Variants in LDB2 observed in about 807,000 individuals in gnomAD.
The protein encoded by LDB2 is LIM domain binding 2.
Under a neutral mutation model 44.3 loss-of-function variants are expected in LDB2, and 12 were observed. That is an observed-to-expected ratio of 0.27 (90% confidence interval 0.17 to 0.44). The LOEUF (loss-of-function observed/expected upper bound fraction) is 0.44. LDB2 is among the 20% of genes least tolerant of loss of function. The pLI is 1.00. For synonymous variants in LDB2, 164 were observed against 174.8 expected, an observed-to-expected ratio of 0.94 and a Z score of 0.49; for missense variants, 344 against 473.5, an observed-to-expected ratio of 0.73 and a Z score of 2.54.
chr4:16,534,327 G>T (rs919655617), intron 5 of LDB2, among the ~76,000 whole-genome samples: 3 of 152,104 alleles, frequency 2.0e-5, no homozygotes, highest in African/African-American at 7.2e-5. Flanking sequence ...CTTTTATGTT[G>T]ATGAACAAGA....
chr4:16,545,453 C>A (rs977767157), intron 5 of LDB2, among the ~76,000 whole-genome samples: 1 of 152,112 alleles, frequency 6.6e-6, no homozygotes, highest in African/African-American at 2.4e-5. Context: ...AACTTTTACC[C>A]GTGGAGAATT....
chr4:16,844,310 T>G (rs897908802), intron 1 of LDB2, among the ~76,000 whole-genome samples: 1 of 147,770 alleles, frequency 6.8e-6, no homozygotes, highest in Non-Finnish European at 1.5e-5. Flanking sequence ...GCAACAGCTG[T>G]AGAAGTAAAA....
intron 5 of LDB2, among the ~76,000 whole-genome samples, chr4:16,565,234 G>T (rs761183930): frequency 3.9e-5 from 6 of 152,102 alleles, no homozygotes; most frequent in South Asian, 2.1e-4. Context: ...TTTGGAGTGA[G>T]AACAGTAATG....
At chr4:16,527,833 G>C (rs1577393634) in intron 5 of LDB2, among the ~76,000 whole-genome samples, 1 of 152,076 alleles carries the variant, frequency 6.6e-6, no homozygotes, top group Non-Finnish European at 1.5e-5. Context: ...TTAACTATGT[G>C]AGGTAATGAA....
chr4:16,760,550 T>A (rs1396842167), intron 1 of LDB2, among the ~76,000 whole-genome samples: 1 of 151,924 alleles, frequency 6.6e-6, no homozygotes, highest in African/African-American at 2.4e-5. Flanking sequence ...AATGCATGGA[T>A]CCACGTACAA....
intron 2 of LDB2, among the ~76,000 whole-genome samples, chr4:16,689,485 T>C (rs945063551): frequency 6.6e-6 from 1 of 152,228 alleles, no homozygotes; most frequent in Non-Finnish European, 1.5e-5. Context: ...GCCTGTGAGC[T>C]TTTCAAAGAT....
chr4:16,731,703 C>T (rs561715708), intron 2 of LDB2, among the ~76,000 whole-genome samples: 49 of 152,208 alleles, frequency 3.2e-4, no homozygotes, highest in African/African-American at 9.6e-4. Flanking sequence ...TTTATTATGG[C>T]GGCCCAAGCT....
intron 2 of LDB2, among the ~76,000 whole-genome samples, chr4:16,659,556 C>T (rs1044168064): frequency 1.4e-5 from 2 of 147,196 alleles, no homozygotes; most frequent in African/African-American, 2.7e-5. Flanking sequence ...TTTAAGTAGG[C>T]AGGAGGGAGT....
intron 2 of LDB2, among the ~76,000 whole-genome samples, chr4:16,670,330 T>G (rs991485395): frequency 1.3e-5 from 2 of 152,220 alleles, no homozygotes; most frequent in Non-Finnish European, 2.9e-5. Context: ...CACTTTCTTC[T>G]GCTTCTGAAG....
At chr4:16,873,203 G>A (rs1026028063) in intron 1 of LDB2, among the ~76,000 whole-genome samples, 4 of 152,316 alleles carry the variant, frequency 2.6e-5, no homozygotes, top group Admixed American at 6.5e-5. Context: ...CTCATATTTG[G>A]ATAGTGGAGG....
At chr4:16,503,741 G>C (rs778263497) in intron 7 of LDB2, among the ~76,000 whole-genome samples, 2 of 152,172 alleles carry the variant, frequency 1.3e-5, no homozygotes, top group African/African-American at 4.8e-5. Flanking sequence ...GATGAAGCTG[G>C]TAGTCATCAG....
At chr4:16,711,797 C>G (rs961129483) in intron 2 of LDB2, among the ~76,000 whole-genome samples, 1 of 152,140 alleles carries the variant, frequency 6.6e-6, no homozygotes, top group African/African-American at 2.4e-5. Context: ...TCATTTACAA[C>G]CAACTGATTT....
At chr4:16,591,419 C>T (rs569566025) in intron 3 of LDB2, among the ~76,000 whole-genome samples, 4 of 152,264 alleles carry the variant, frequency 2.6e-5, no homozygotes, top group African/African-American at 4.8e-5. Context: ...GCCTTGGGCT[C>T]CTCCTAGTTT....
chr4:16,506,285 C>G (rs1206697506), intron 7 of LDB2: 4 of 290,142 alleles, frequency 1.4e-5, no homozygotes, highest in African/African-American at 2.2e-5. Flanking sequence ...GTTCTTTCTG[C>G]CTCTCTGTAA....
At chr4:16,800,150 GAA>G (rs5856385) in intron 1 of LDB2, among the ~76,000 whole-genome samples, 21 of 150,538 alleles carry the variant, frequency 1.4e-4, no homozygotes, top group South Asian at 8.4e-4. Flanking sequence ...TTACTGTCAG[GAA>G]AAAAAAAAAT....
intron 1 of LDB2, among the ~76,000 whole-genome samples, chr4:16,857,374 C>A (rs531780741): frequency 7.2e-5 from 11 of 152,304 alleles, no homozygotes; most frequent in African/African-American, 2.6e-4. Flanking sequence ...CTGAAAAAGT[C>A]TCCAGACGGA....
chr4:16,629,068 G>C (rs1731136150), intron 2 of LDB2, among the ~76,000 whole-genome samples: 1 of 152,208 alleles, frequency 6.6e-6, no homozygotes, highest in African/African-American at 2.4e-5. Context: ...ATCCGCCATT[G>C]CTGAGGCTTG....
chr4:16,581,559 C>G (rs1196278977), intron 5 of LDB2: 4 of 323,532 alleles, frequency 1.2e-5, no homozygotes, highest in Non-Finnish European at 1.8e-5. Flanking sequence ...TAGAGCTCCC[C>G]AAGTCACTAA....
intron 5 of LDB2, among the ~76,000 whole-genome samples, chr4:16,522,392 G>T (rs1726551800): frequency 6.6e-6 from 1 of 151,346 alleles, no homozygotes; most frequent in Non-Finnish European, 1.5e-5. Flanking sequence ...ATGGATGGTT[G>T]TGTCAATACT....
Sources: allele counts gnomAD v4.1 joint callset (sites outside exome capture counted in the v4.1 genomes callset), GRCh38; gene constraint gnomAD v4.1.1; transcripts MANE v1.5; gene names NCBI Gene and HGNC (gene_info 2026-07-23, HGNC 2026-07-21).